The following KCNU1 variants were observed in gnomAD, a reference collection of about 807,000 sequenced individuals.
KCNU1 encodes the protein potassium calcium-activated channel subfamily U member 1, also known as potassium channel subfamily U member 1.
A neutral mutation model predicts 126.8 loss-of-function variants in KCNU1; 93 were observed. The ratio of observed to expected loss-of-function variants is 0.73; its 90% CI spans 0.62 to 0.87. The LOEUF (loss-of-function observed/expected upper bound fraction) is 0.87. KCNU1 is among the 40% of genes least tolerant of loss of function. The pLI, the probability that KCNU1 is intolerant of heterozygous loss-of-function variation, is 0.00. For missense variants in KCNU1, 1,330 were observed against 1,367.1 expected (o/e 0.97, Z 0.43); for synonymous variants, 523 against 494.2 (o/e 1.06, Z -0.77).
At chr8:36,821,916 G>T (rs1480329810) in intron 10 of KCNU1, among the ~76,000 whole-genome samples, 2 of 152,096 alleles carry the variant, frequency 1.3e-5, no homozygotes, top group African/African-American at 2.4e-5. Context: ...GGTAGGCCAG[G>T]CTAAGCAACG....
At chr8:36,934,411 A>G (rs1444702390) in intron 26 of KCNU1, among the ~76,000 whole-genome samples, 1 of 151,974 alleles carries the variant, frequency 6.6e-6, no homozygotes, top group Non-Finnish European at 1.5e-5. Flanking sequence ...AGTACCCACC[A>G]CCAAGACAAT....
At chr8:36,864,228 C>G (rs1268726322) in intron 18 of KCNU1, among the ~76,000 whole-genome samples, 176 bp from the exon 19 acceptor site, 1 of 152,118 alleles carries the variant, frequency 6.6e-6, no homozygotes, top group Admixed American at 6.6e-5. Context: ...CTCCCTAATT[C>G]TGTAGAAGGA....
At chr8:36,887,673 G>C (rs1379168100) in intron 19 of KCNU1, among the ~76,000 whole-genome samples, 3 of 152,098 alleles carry the variant, frequency 2.0e-5, no homozygotes, top group African/African-American at 7.2e-5. Flanking sequence ...ACAGAGATTA[G>C]TTAGTCAGAA....
At chr8:36,821,785 A>C (rs1484012680) in intron 10 of KCNU1, among the ~76,000 whole-genome samples, 1 of 152,100 alleles carries the variant, frequency 6.6e-6, no homozygotes, top group Non-Finnish European at 1.5e-5. Flanking sequence ...CATATTTTGT[A>C]TACTCACTTT....
chr8:36,806,520 G>C, intron 5 of KCNU1, 140 bp downstream of exon 5: 1 of 583,878 alleles, frequency 1.7e-6, no homozygotes, highest in South Asian at 2.3e-5. Flanking sequence ...GTATGGTTTT[G>C]TCATACACTT....
chr8:36,827,965 C>A lies in KCNU1; in HGVS notation c.1107-5589C>A, dbSNP rs1421544229. Among the ~76,000 whole-genome samples the A allele has an allele frequency of 2.6e-5, 4 of 152,176 alleles. No individual in the cohort carries two copies. In the East Asian group the frequency reaches 7.7e-4, roughly 29 times the overall value. On this transcript the variant is annotated intron_variant, in intron 10 of 26. Coordinates refer to ENST00000399881, the MANE Select transcript of KCNU1 (RefSeq NM_001031836.3). ...GTAGAGGAAAGACATGATTCTTCAT[C>A]AATTGTGAGAATTGCAAATTTCTTC...
intron 7 of KCNU1, among the ~76,000 whole-genome samples, chr8:36,811,936 C>T (rs1007999790): frequency 6.6e-6 from 1 of 152,052 alleles, no homozygotes; most frequent in African/African-American, 2.4e-5. Context: ...TGGTGGCATG[C>T]ACCTGTAATC....
chr8:36,872,305 T>A (rs1034223377), intron 19 of KCNU1, among the ~76,000 whole-genome samples: 1 of 152,132 alleles, frequency 6.6e-6, no homozygotes, highest in African/African-American at 2.4e-5. Context: ...AGGGGAGGTA[T>A]AATTTTAGGC....
At chr8:36,931,711 A>G (rs1376696106) in intron 25 of KCNU1, among the ~76,000 whole-genome samples, 1 of 152,058 alleles carries the variant, frequency 6.6e-6, no homozygotes, top group Non-Finnish European at 1.5e-5. Flanking sequence ...CCCTATACTT[A>G]AAATGCTAAA....
At chr8:36,912,953 CAAAAAAAAAAAAA>C (rs71547665) in intron 22 of KCNU1, among the ~76,000 whole-genome samples, 1 of 37,364 alleles carries the variant, frequency 2.7e-5, no homozygotes, top group Admixed American at 4.4e-4. Flanking sequence ...GGTGACAGAG[CAAAAAAAAAAAAA>C]AAAAAAAAAA....
chr8:36,840,355 CT>C, intron 14 of KCNU1, 107 bp from the exon 15 acceptor site: 3 of 623,200 alleles, frequency 4.8e-6, no homozygotes, highest in Non-Finnish European at 8.7e-6. Flanking sequence ...TTTTTTATGA[CT>C]TACATGCAAT....
intron 26 of KCNU1, among the ~76,000 whole-genome samples, chr8:36,934,865 G>A (rs1808806821): frequency 6.6e-6 from 1 of 152,122 alleles, no homozygotes; most frequent in South Asian, 2.1e-4. Context: ...ACCTGATGCT[G>A]TGTTAACAGT....
intron 19 of KCNU1, among the ~76,000 whole-genome samples, chr8:36,876,764 T>C (rs1806292029): frequency 6.6e-6 from 1 of 152,172 alleles, no homozygotes; most frequent in South Asian, 2.1e-4. Flanking sequence ...AAACAGTACT[T>C]TTCAAGGTAG....
At position 36,823,836 on chromosome 8, in the gene KCNU1, C is replaced by CTT. The variant is rs11364462; in HGVS notation, c.1106+6093_1106+6094dup. 2.7e-3 allele frequency among the ~76,000 whole-genome samples: 346 copies of CTT among 129,380 alleles called. 4 individuals are homozygous for CTT. Among genetic ancestry groups the CTT allele is most frequent in the East Asian group, 0.017 (76 of 4,424 alleles). The allele number at this position is 129,380 out of a possible 152,430, so 84.9% of individuals were successfully genotyped here. On this transcript the variant is annotated intron_variant, in intron 10 of 26. Coordinates refer to ENST00000399881, the MANE Select transcript of KCNU1 (RefSeq NM_001031836.3). ...AAATAATTAATCTCCTTGTTCAAAC[C>CTT]TTTTTTTTTTTTTTTTTTGAGAAGG...
chr8:36,901,569 GC>G (rs1464346674), intron 19 of KCNU1, among the ~76,000 whole-genome samples: 1 of 151,982 alleles, frequency 6.6e-6, no homozygotes, highest in African/African-American at 2.4e-5. Context: ...AGAAAGGAAT[GC>G]TTATTTGCGT....
chr8:36,837,171 C>CA (rs1411925490), intron 14 of KCNU1, among the ~76,000 whole-genome samples: 1 of 151,898 alleles, frequency 6.6e-6, no homozygotes, highest in African/African-American at 2.4e-5. Flanking sequence ...TATTTATCTA[C>CA]AAAACAGAAA....
At chr8:36,803,344 G>C (rs893900184) in intron 2 of KCNU1, among the ~76,000 whole-genome samples, 7 of 152,090 alleles carry the variant, frequency 4.6e-5, no homozygotes, top group African/African-American at 1.7e-4. Flanking sequence ...GAAATAACTG[G>C]AGGAATGTTA....
intron 19 of KCNU1, among the ~76,000 whole-genome samples, chr8:36,872,445 G>A (rs370011985): frequency 1.3e-5 from 2 of 152,164 alleles, no homozygotes; most frequent in African/African-American, 4.8e-5. Flanking sequence ...TGTAACTATG[G>A]TGGGGGCTCC....
chr8:36,815,818 C>T (rs995832581), intron 9 of KCNU1, 131 bp downstream of exon 9: 19 of 583,422 alleles, frequency 3.3e-5, no homozygotes, highest in Non-Finnish European at 4.8e-5. Context: ...CCCGTATTCA[C>T]TAAAAAGGAC....
Sources: allele counts gnomAD v4.1 joint callset (sites outside exome capture counted in the v4.1 genomes callset), GRCh38; gene constraint gnomAD v4.1.1; transcripts MANE v1.5; gene names NCBI Gene and HGNC (gene_info 2026-07-23, HGNC 2026-07-21).